COPS7B: variants seen among roughly 807,000 people sequenced by gnomAD.
COPS7B encodes the protein COP9 signalosome complex subunit 7b.
A neutral mutation model predicts 33.4 loss-of-function variants in COPS7B; 9 were observed. That is an observed-to-expected ratio of 0.27 (90% CI 0.16 to 0.47). The LOEUF (loss-of-function observed/expected upper bound fraction) is 0.47, where lower values mean the gene tolerates loss of function less well. Among genes scored for constraint, COPS7B ranks in the 20% least tolerant of loss-of-function variants. The pLI, the probability that COPS7B is intolerant of heterozygous loss-of-function variation, is 0.99. For missense variants in COPS7B, 242 were observed against 318.2 expected, an observed-to-expected ratio of 0.76 and a Z score of 1.82; for synonymous variants, 119 against 126.3, an observed-to-expected ratio of 0.94 and a Z score of 0.39.
intron 5 of COPS7B, among the ~76,000 whole-genome samples, chr2:231,797,611 T>A (rs1272637295): frequency 6.6e-6 from 1 of 152,182 alleles, no homozygotes; most frequent in Non-Finnish European, 1.5e-5. Flanking sequence ...TACCATGGGA[T>A]GTTTACTAGT....
Position 231,788,612 on chromosome 2 carries a change from G to A in COPS7B, c.42G>A (p.Gln14=). 1 of 1,614,144 alleles carries A rather than the reference G, an allele frequency of 6.2e-7. No homozygotes were observed. ...EQKPSSNLLE[Q]FILLAKGTSG... ...AACCCTCAAGTAATCTCCTGGAGCA[G>A]TTTATTTTACTAGCCAAAGGTACCA... The change falls in exon 2 of 7, where the codon CAG becomes CAA. Residue 14 remains glutamine (Q), a synonymous_variant. Transcript: ENST00000350033.
chr2:231,794,397 G>A, intron 4 of COPS7B, 46 bp downstream of exon 4: 1 of 1,490,464 alleles, frequency 6.7e-7, no homozygotes, highest in Non-Finnish European at 9.3e-7. Flanking sequence ...CCCCAAGTCA[G>A]CTGTCTCATT....
intron 6 of COPS7B, among the ~76,000 whole-genome samples, chr2:231,799,619 G>C (rs2106334878): frequency 6.6e-6 from 1 of 152,236 alleles, no homozygotes; most frequent in African/African-American, 2.4e-5. Flanking sequence ...TTGCGTTATG[G>C]GCATTTGTGT....
chr2:231,785,610 A>G (rs1244248369), upstream of COPS7B, among the ~76,000 whole-genome samples: 1 of 152,214 alleles, frequency 6.6e-6, no homozygotes, highest in Non-Finnish European at 1.5e-5. Flanking sequence ...TTTTTGAATA[A>G]ATGAATGAGT....
intron 1 of COPS7B, 148 bp downstream of exon 1, chr2:231,786,686 A>C: frequency 4.8e-6 from 1 of 209,036 alleles, no homozygotes; most frequent in Non-Finnish European, 8.3e-6. Context: ...TCCTCACTCC[A>C]CGCCTGCGGC....
Position 231,796,273 on chromosome 2 carries a change from G to T in COPS7B, c.495G>T (p.Lys165Asn), listed in dbSNP as rs1208827141. The T allele has an allele frequency of 4.3e-6, 7 of 1,614,048 alleles. No individual in the cohort carries two copies. Among genetic ancestry groups the T allele is most frequent in the Non-Finnish European group, 5.9e-6 (7 of 1,180,044 alleles). Residue 165 changes from lysine (K) to asparagine (N), a missense_variant, in exon 5 of 7, where the codon AAG becomes AAT. Physicochemically the swap from Lys to Asn is moderately conservative, Grantham distance 94. Coordinates refer to ENST00000350033, the MANE Select transcript of COPS7B (RefSeq NM_022730.4). ...DFCIGRDIRKKDINNIVKTLH... is the reference protein window; with the variant it reads ...DFCIGRDIRKNDINNIVKTLH... ...GCATTGGCCGTGACATCCGAAAGAA[G>T]GATATCAATAATATTGTCAAGACCC...
chr2:231,807,054 C>G (rs1344889695), intron 6 of COPS7B, among the ~76,000 whole-genome samples: 5 of 152,178 alleles, frequency 3.3e-5, no homozygotes, highest in Non-Finnish European at 7.3e-5. Flanking sequence ...CTTCATTTCT[C>G]ACTTAGTTGG....
intron 2 of COPS7B, chr2:231,790,470 A>T (rs1443316108): frequency 6.6e-6 from 1 of 152,214 alleles, no homozygotes; most frequent in Non-Finnish European, 1.5e-5. Flanking sequence ...CTGAGGTATT[A>T]TGGTGCTGGA....
chr2:231,805,339 G>A (rs1187886296), intron 6 of COPS7B, among the ~76,000 whole-genome samples: 2 of 151,576 alleles, frequency 1.3e-5, no homozygotes, highest in Middle Eastern at 3.4e-3. Context: ...TCAGGGTTCT[G>A]GGGTTCCCAG....
At position 231,796,317 on chromosome 2, in the gene COPS7B, A is replaced by G; in HGVS notation, c.530+9A>G. On this transcript the variant is annotated intron_variant, in intron 5 of 6. Transcript: ENST00000350033. ...AAGACCCTGCATGAATGGTGAGGCT[A>G]AAAGGAGGAGGGGGATATCTAGCAT... 1 of 1,612,132 alleles carries G rather than the reference A, an allele frequency of 6.2e-7. No homozygotes were observed. Among genetic ancestry groups the G allele is most frequent in the South Asian group, 1.1e-5 (1 of 91,010 alleles).
chr2:231,798,340 T>C (rs2049639017), intron 5 of COPS7B, among the ~76,000 whole-genome samples: 1 of 137,878 alleles, frequency 7.3e-6, no homozygotes, highest in Admixed American at 7.7e-5. Context: ...CACTGCAACC[T>C]CCGCCTCCCG....
At chr2:231,802,889 G>A (rs2049787540) in intron 6 of COPS7B, among the ~76,000 whole-genome samples, 1 of 152,252 alleles carries the variant, frequency 6.6e-6, no homozygotes, top group Non-Finnish European at 1.5e-5. Flanking sequence ...TGAGCAAAGT[G>A]TCTCTGTAAT....
chr2:231,800,886 C>G (rs1224649247), intron 6 of COPS7B, among the ~76,000 whole-genome samples: 1 of 152,146 alleles, frequency 6.6e-6, no homozygotes, highest in Non-Finnish European at 1.5e-5. Context: ...AAGCTTAGGA[C>G]CTTGTCATTT....
upstream of COPS7B, among the ~76,000 whole-genome samples, chr2:231,782,086 C>T (rs377325921): frequency 1.3e-5 from 2 of 152,196 alleles, no homozygotes; most frequent in East Asian, 1.9e-4. Flanking sequence ...GCTAATCTAT[C>T]CCCTGTTGTT....
chr2:231,808,434 A>G lies in COPS7B; in HGVS notation c.*789A>G, dbSNP rs978874491. The G allele has an allele frequency of 6.4e-6, 3 of 471,292 alleles. No individual in the cohort carries two copies. The highest frequency in any genetic ancestry group is 6.0e-5 in the African/African-American group (3 of 49,914). 29.2% of individuals were successfully genotyped at this position (471,292 alleles called of 1,614,324 possible). A position where few individuals can be genotyped will look rare whatever the true frequency, so the allele number is the denominator to read the frequency against. On this transcript the variant is annotated 3_prime_UTR_variant, in exon 7 of 7. Coordinates refer to ENST00000350033, the MANE Select transcript of COPS7B (RefSeq NM_022730.4). ...TTCGGTGTGTAGGCCCCAGCTGCCC[A>G]CTGGAACTGCCGGCTAATGCTTGCT...
rs2049661575 is a variant in COPS7B, at chr2:231,798,961, A to G, written c.633A>G (p.Ala211=). The change falls in exon 6 of 7, where the codon GCA becomes GCG. Residue 211 remains alanine (A), a synonymous_variant. Coordinates refer to ENST00000350033, the MANE Select transcript of COPS7B (RefSeq NM_022730.4). ...ACCGAACTCAGCAGCAGGTAGAAGC[A>G]GAGGTAAGGAAGGAAAGGAACATTT... ...NHNRTQQQVE[A]EVTNIKKTLK... 6.2e-7 allele frequency: 1 copy of G among 1,613,184 alleles called. No individual in the cohort carries two copies. Among genetic ancestry groups the G allele is most frequent in the East Asian group, 2.2e-5 (1 of 44,866 alleles).
At chr2:231,802,415 G>T (rs2049776158) in intron 6 of COPS7B, among the ~76,000 whole-genome samples, 1 of 152,200 alleles carries the variant, frequency 6.6e-6, no homozygotes, top group Non-Finnish European at 1.5e-5. Context: ...AAGGTTTCCT[G>T]CCCCAGAAAG....
intron 3 of COPS7B, chr2:231,792,217 C>T (rs888351328): frequency 1.3e-5 from 5 of 398,332 alleles, no homozygotes; most frequent in Admixed American, 6.0e-5. Flanking sequence ...ATAGGCTGGG[C>T]GCGGTGGCTC....
upstream of COPS7B, among the ~76,000 whole-genome samples, chr2:231,783,092 G>A (rs1444015918): frequency 6.7e-6 from 1 of 150,288 alleles, no homozygotes; most frequent in Non-Finnish European, 1.5e-5. Flanking sequence ...TACTTTATCA[G>A]TATTTTTGTG....
Sources: allele counts gnomAD v4.1 joint callset (sites outside exome capture counted in the v4.1 genomes callset), GRCh38; gene constraint gnomAD v4.1.1; transcripts MANE v1.5; gene names NCBI Gene and HGNC (gene_info 2026-07-23, HGNC 2026-07-21).